LARGE1: variants seen among roughly 807,000 people sequenced by gnomAD.
LARGE1 encodes LARGE xylosyl- and glucuronyltransferase 1.
In LARGE1, 43 loss-of-function variants were observed where a neutral mutation model predicts 87.6. That is an observed-to-expected ratio of 0.49 (90% confidence interval 0.38 to 0.63). The LOEUF (loss-of-function observed/expected upper bound fraction) is 0.63, where lower values mean the gene tolerates loss of function less well. Ranked by LOEUF, LARGE1 falls within the 30% of genes least tolerant of loss-of-function variation. The pLI is 0.00. For synonymous variants in LARGE1, 434 were observed against 394.6 expected, an observed-to-expected ratio of 1.10 and a Z score of -1.18; for missense variants, 802 against 1,000.2, an observed-to-expected ratio of 0.80 and a Z score of 2.67.
the LARGE1 span, among the ~76,000 whole-genome samples, chr22:33,094,226 G>A: frequency 2.6e-5 from 4 of 152,248 alleles, no homozygotes; most frequent in East Asian, 1.9e-4. Context: ...AGGAAAAGGC[G>A]TATCTGGAAC....
Position 33,169,578 on chromosome 22 carries a change from G to C in LARGE1, c.1731-2746C>G, listed in dbSNP as rs189620551. Among the ~76,000 whole-genome samples, 5 of 152,162 alleles carry C rather than the reference G, an allele frequency of 3.3e-5. No homozygotes were observed. In the East Asian group the frequency reaches 9.7e-4, roughly 29 times the overall value. The stretch of plus-strand genomic sequence containing the variant: ...ATAAAAATGTCCTGAGGGGCTGGGC[G>C]CAGTGGCTCACAACTGTAATCCCAG... On this transcript the variant is annotated intron_variant, in intron 11 of 11. Coordinates refer to the LARGE1 transcript ENST00000608642.
At chr22:33,579,809 G>A (rs777659516) in intron 5 of LARGE1, among the ~76,000 whole-genome samples, 4 of 152,146 alleles carry the variant, frequency 2.6e-5, no homozygotes, top group Admixed American at 1.3e-4. Context: ...CAAGCCTGAG[G>A]TACACAACAA....
chr22:33,104,594 G>C, the LARGE1 span, among the ~76,000 whole-genome samples: 4 of 152,208 alleles, frequency 2.6e-5, no homozygotes, highest in Non-Finnish European at 5.9e-5. Context: ...GCAGAAATAT[G>C]CAAGAGGTGC....
At chr22:33,403,762 C>G (rs900512662) in intron 7 of LARGE1, among the ~76,000 whole-genome samples, 1 of 152,204 alleles carries the variant, frequency 6.6e-6, no homozygotes, top group Admixed American at 6.5e-5. Context: ...TGCCACCACG[C>G]CTGGCTAATT....
the LARGE1 span, among the ~76,000 whole-genome samples, chr22:33,114,959 G>A: frequency 6.6e-6 from 1 of 152,064 alleles, no homozygotes; most frequent in Non-Finnish European, 1.5e-5. Context: ...TTTTCTTATT[G>A]TATTTGGAAT....
At chr22:33,765,959 A>G (rs1174387912) in intron 1 of LARGE1, among the ~76,000 whole-genome samples, 1 of 152,186 alleles carries the variant, frequency 6.6e-6, no homozygotes, top group Non-Finnish European at 1.5e-5. Flanking sequence ...GGCATCTGAA[A>G]TTAAACCCAG....
chr22:33,426,555 C>T (rs1478055208), intron 7 of LARGE1, among the ~76,000 whole-genome samples: 1 of 152,158 alleles, frequency 6.6e-6, no homozygotes, highest in Non-Finnish European at 1.5e-5. Context: ...TCTATTTATC[C>T]CACTAAAGCT....
At chr22:33,466,335 C>T (rs561855478) in intron 6 of LARGE1, among the ~76,000 whole-genome samples, 1 of 151,470 alleles carries the variant, frequency 6.6e-6, no homozygotes, top group South Asian at 2.1e-4. Flanking sequence ...CCTTCTAATG[C>T]CCATCACTGT....
intron 1 of LARGE1, among the ~76,000 whole-genome samples, chr22:33,871,982 C>CAAAAAAAAAAAAAAAAA (rs58105742): frequency 1.2e-4 from 10 of 86,756 alleles, no homozygotes; most frequent in South Asian, 4.2e-4. Flanking sequence ...TCTAAATCAG[C>CAAAAAAAAAAAAAAAAA]AAAAAAAAAA....
intron 12 of LARGE1, 37 bp downstream of exon 12, chr22:33,304,192 C>T (rs1934550005): frequency 2.5e-6 from 4 of 1,612,244 alleles, no homozygotes; most frequent in Non-Finnish European, 3.4e-6. Context: ...CCCTATGTGC[C>T]TTCTGGCCTG....
chr22:33,812,016 T>G (rs2086512625), intron 1 of LARGE1, among the ~76,000 whole-genome samples: 2 of 152,166 alleles, frequency 1.3e-5, no homozygotes, highest in African/African-American at 4.8e-5. Context: ...ACAGAAAGTC[T>G]CTAAGGATGA....
intron 1 of LARGE1, among the ~76,000 whole-genome samples, chr22:33,884,785 G>A (rs2064797621): frequency 6.6e-6 from 1 of 152,144 alleles, no homozygotes; most frequent in East Asian, 1.9e-4. Flanking sequence ...ACAATGACAG[G>A]AGCAACCCTA....
intron 2 of LARGE1, among the ~76,000 whole-genome samples, chr22:33,716,881 C>A (rs182392537): frequency 2.6e-5 from 4 of 152,318 alleles, no homozygotes. Context: ...AAAAGACCTG[C>A]AGAGATGCCC....
At chr22:33,806,282 G>C (rs2086306820) in intron 1 of LARGE1, among the ~76,000 whole-genome samples, 1 of 152,162 alleles carries the variant, frequency 6.6e-6, no homozygotes, top group African/African-American at 2.4e-5. Flanking sequence ...GTGAGGTGTT[G>C]GGAGCATCAG....
chr22:33,536,800 T>C (rs2077056609), intron 6 of LARGE1, among the ~76,000 whole-genome samples: 1 of 152,204 alleles, frequency 6.6e-6, no homozygotes, highest in South Asian at 2.1e-4. Flanking sequence ...AAAGGCCATT[T>C]ATTTTATTTA....
At chr22:33,566,832 T>C (rs2078042377) in intron 5 of LARGE1, among the ~76,000 whole-genome samples, 1 of 152,186 alleles carries the variant, frequency 6.6e-6, no homozygotes, top group African/African-American at 2.4e-5. Flanking sequence ...GATGGTACAT[T>C]TTTACAGAGT....
At chr22:33,222,181 GA>G (rs1925488358) in intron 11 of LARGE1, among the ~76,000 whole-genome samples, 1 of 152,032 alleles carries the variant, frequency 6.6e-6, no homozygotes. Context: ...ATACATCTAA[GA>G]AAAAAGAAAA....
chr22:33,806,742 T>G (rs76368579), intron 1 of LARGE1, among the ~76,000 whole-genome samples: 1 of 152,114 alleles, frequency 6.6e-6, no homozygotes, highest in Non-Finnish European at 1.5e-5. Context: ...CCGGGCGTGA[T>G]GGCTCATGCC....
rs1936158954 is a variant in LARGE1, at chr22:33,316,311, GC to G, written c.1288-64del. On this transcript the variant is annotated intron_variant, in intron 10 of 14. Transcript: ENST00000397394. ...GAGGTCCGAGGGGGCCCATGAGCTT[GC>G]CCCTTGAGCCCTGCCCTCCCCTGAG... The G allele has an allele frequency of 7.2e-6, 11 of 1,532,396 alleles. No individual in the cohort carries two copies. In the East Asian group the frequency reaches 2.3e-4, roughly 32 times the overall value. The allele number at this position is 1,532,396 out of a possible 1,614,324, so 94.9% of individuals were successfully genotyped here.
Sources: gnomAD v4.1 joint callset for allele counts (sites outside exome capture counted in the v4.1 genomes callset) on GRCh38, gnomAD v4.1.1 for gene constraint, MANE v1.5 for transcripts, NCBI Gene and HGNC (gene_info 2026-07-23, HGNC 2026-07-21) for gene names.